Variants in LY9 observed in about 807,000 individuals in gnomAD.
LY9 encodes the protein T-lymphocyte surface antigen Ly-9.
A neutral mutation model predicts 64.6 loss-of-function variants in LY9; 59 were observed. That is an observed-to-expected ratio of 0.91 (90% CI 0.74 to 1.13). LY9 has a LOEUF of 1.13. Ranked by LOEUF, LY9 falls within the 50% of genes most tolerant of loss-of-function variation. The pLI is 0.00. For missense variants in LY9, 789 were observed against 797.2 expected, an observed-to-expected ratio of 0.99 and a Z score of 0.12; for synonymous variants, 281 against 308.5, an observed-to-expected ratio of 0.91 and a Z score of 0.93.
chr1:160,826,075 C>T (rs992341567), intron 9 of LY9, among the ~76,000 whole-genome samples: 1 of 152,194 alleles, frequency 6.6e-6, no homozygotes, highest in Non-Finnish European at 1.5e-5. Context: ...AAAACATAAA[C>T]ATTTGATTAA....
intron 7 of LY9, among the ~76,000 whole-genome samples, chr1:160,819,665 C>T (rs969036548): frequency 2.0e-5 from 3 of 151,744 alleles, no homozygotes; most frequent in African/African-American, 7.3e-5. Flanking sequence ...GTGGTGCACG[C>T]CTGTAATCCC....
intron 5 of LY9, among the ~76,000 whole-genome samples, chr1:160,817,749 C>T (rs1199864062): frequency 6.6e-6 from 1 of 152,162 alleles, no homozygotes. Context: ...TGGTTTCGAA[C>T]CCTGAGCTCT....
chr1:160,809,353 T>TATC, intron 2 of LY9, among the ~76,000 whole-genome samples: 1 of 137,498 alleles, frequency 7.3e-6, no homozygotes, highest in African/African-American at 2.6e-5. Flanking sequence ...TTATTATTAT[T>TATC]ATTATTATTA....
chr1:160,801,899 G>A, intron 2 of LY9: 4 of 1,613,744 alleles, frequency 2.5e-6, no homozygotes, highest in Middle Eastern at 3.3e-4. Flanking sequence ...AGCCACGTGT[G>A]AGCGTGCGGG....
intron 7 of LY9, among the ~76,000 whole-genome samples, chr1:160,822,050 T>C (rs1246078292): frequency 6.6e-6 from 1 of 152,206 alleles, no homozygotes; most frequent in African/African-American, 2.4e-5. Context: ...TCGCACACGG[T>C]AGGCACTTAC....
chr1:160,817,753 G>A (rs919600586), intron 5 of LY9, among the ~76,000 whole-genome samples: 2 of 152,188 alleles, frequency 1.3e-5, no homozygotes, highest in Admixed American at 6.5e-5. Context: ...TTCGAACCCT[G>A]AGCTCTATCT....
intron 2 of LY9, among the ~76,000 whole-genome samples, chr1:160,809,444 GTC>G: frequency 6.6e-6 from 1 of 151,388 alleles, no homozygotes; most frequent in East Asian, 1.9e-4. Context: ...GACTCAAGCT[GTC>G]CCCTTCCCTC....
chr1:160,820,409 T>C (rs1400347045), intron 7 of LY9, among the ~76,000 whole-genome samples: 1 of 152,084 alleles, frequency 6.6e-6, no homozygotes, highest in Non-Finnish European at 1.5e-5. Context: ...CAAATCCTGC[T>C]TTAAAAAATA....
chr1:160,807,751 T>A (rs1384244614), intron 2 of LY9, among the ~76,000 whole-genome samples: 1 of 152,176 alleles, frequency 6.6e-6, no homozygotes, highest in Non-Finnish European at 1.5e-5. Flanking sequence ...TAGGTGGTAG[T>A]GGCTGGGAGT....
intron 2 of LY9, among the ~76,000 whole-genome samples, chr1:160,804,349 T>G (rs1030086599): frequency 6.6e-6 from 1 of 152,166 alleles, no homozygotes; most frequent in Non-Finnish European, 1.5e-5. Context: ...GAGATGATCA[T>G]ATGGTTTTTA....
At chr1:160,819,401 G>A (rs1668203933) in intron 7 of LY9, 27 bp downstream of exon 7, 1 of 1,598,198 alleles carries the variant, frequency 6.3e-7, no homozygotes, top group South Asian at 1.1e-5. Context: ...CACAGGCTAT[G>A]GGGTATCTGG....
chr1:160,804,565 T>G (rs1666797108), intron 2 of LY9, among the ~76,000 whole-genome samples: 1 of 152,184 alleles, frequency 6.6e-6, no homozygotes, highest in Non-Finnish European at 1.5e-5. Flanking sequence ...TGTTGTGTCC[T>G]TGTCTGATTT....
At chr1:160,822,764 C>G (rs1668570647) in intron 7 of LY9, among the ~76,000 whole-genome samples, 1 of 152,188 alleles carries the variant, frequency 6.6e-6, no homozygotes, top group Non-Finnish European at 1.5e-5. Flanking sequence ...CACACCGGCC[C>G]TCACAGCGCA....
chr1:160,798,358 G>T (rs191723758), intron 1 of LY9, among the ~76,000 whole-genome samples: 1 of 152,232 alleles, frequency 6.6e-6, no homozygotes, highest in African/African-American at 2.4e-5. Context: ...CAGGGAAGTG[G>T]ATTAAATTCT....
chr1:160,816,876 C>G lies in LY9; in HGVS notation c.1342+13C>G, dbSNP rs755874501. The G allele has an allele frequency of 1.2e-6, 2 of 1,613,930 alleles. No homozygotes were observed. The highest frequency in any genetic ancestry group is 4.5e-5 in the East Asian group (2 of 44,882). On this transcript the variant is annotated intron_variant, in intron 5 of 9. Transcript: ENST00000263285. ...AACATCTGTTCAGGTTTCTCTCCAT[C>G]TCTATTTACTCAGGTCACAGGACCT...
chr1:160,816,687 G>C lies in LY9; in HGVS notation c.1166G>C (p.Gly389Ala). ...CTGACCTGCTCCGTGGAGGACGGGG[G>C]AAACACTGTCATGTACACATGGACC... ...ISLTCSVEDG[G>A]NTVMYTWTPL... Residue 389 changes from glycine (G) to alanine (A), a missense_variant, in exon 5 of 10, where the codon GGA (glycine) becomes GCA (alanine). By Grantham distance (60) the Gly-to-Ala change is moderately conservative. Coordinates refer to ENST00000263285, the MANE Select transcript of LY9 (RefSeq NM_002348.4). 6.2e-7 allele frequency: 1 copy of C among 1,614,178 alleles called. No individual in the cohort carries two copies. The highest frequency in any genetic ancestry group is 1.3e-5 in the African/African-American group (1 of 75,042).
chr1:160,824,088 G>A, intron 8 of LY9, 93 bp from the exon 9 acceptor site: 2 of 1,513,080 alleles, frequency 1.3e-6, no homozygotes, highest in Non-Finnish European at 1.8e-6. Context: ...GAGATGGGAA[G>A]CCAGGGGGTA....
chr1:160,797,043 T>A, intron 1 of LY9: 1 of 899,604 alleles, frequency 1.1e-6, no homozygotes, highest in East Asian at 1.2e-4. Context: ...CGCGGTTAGG[T>A]GACCATGGGC....
rs41266935 is a variant in LY9, at chr1:160,823,739, G to A, written c.1773G>A (p.Thr591=). 1.9e-4 allele frequency: 301 copies of A among 1,614,188 alleles called. No individual in the cohort carries two copies. Among genetic ancestry groups the A allele is most frequent in the Middle Eastern group, 3.3e-4 (2 of 6,060 alleles). Residue 591 remains threonine, a synonymous_variant, in exon 8 of 10, where the codon ACG becomes ACA. Transcript: ENST00000263285. ...ATGATCCCGTCACTCCATATGTCAC[G>A]GAAGTTGAGTCTGTGGTTGGAGAGA... ...ADYDPVTPYV[T]EVESVVGENT... is the part of the protein sequence containing the mutation.
Sources: allele counts gnomAD v4.1 joint callset (sites outside exome capture counted in the v4.1 genomes callset), GRCh38; gene constraint gnomAD v4.1.1; transcripts MANE v1.5; gene names NCBI Gene and HGNC (gene_info 2026-07-23, HGNC 2026-07-21).